ZBTB20: variants seen among roughly 807,000 people sequenced by gnomAD.
The protein encoded by ZBTB20 is zinc finger and BTB domain containing 20.
Under a neutral mutation model 56.9 loss-of-function variants are expected in ZBTB20, and 9 were observed. That is an observed-to-expected ratio of 0.16 (90% CI 0.10 to 0.28). The LOEUF (loss-of-function observed/expected upper bound fraction) is 0.28, where lower values mean the gene tolerates loss of function less well. Among genes scored for constraint, ZBTB20 ranks in the 10% least tolerant of loss-of-function variants. The pLI is 1.00. For synonymous variants in ZBTB20, 417 were observed against 420.7 expected (o/e 0.99, Z 0.11); for missense variants, 655 against 1,003.0 (o/e 0.65, Z 4.69).
At chr3:114,553,711 T>C (rs148969323) in intron 6 of ZBTB20, among the ~76,000 whole-genome samples, 1 of 152,332 alleles carries the variant, frequency 6.6e-6, no homozygotes, top group Non-Finnish European at 1.5e-5. Context: ...TCTATACTTC[T>C]ATAATTCTGT....
chr3:114,520,883 A>G (rs981321799), intron 6 of ZBTB20, among the ~76,000 whole-genome samples: 17 of 152,232 alleles, frequency 1.1e-4, no homozygotes, highest in African/African-American at 3.4e-4. Flanking sequence ...TAGTATTACC[A>G]TTCACCCATC....
At chr3:114,672,596 C>A (rs2108179827) in intron 6 of ZBTB20, among the ~76,000 whole-genome samples, 1 of 152,280 alleles carries the variant, frequency 6.6e-6, no homozygotes, top group South Asian at 2.1e-4. Flanking sequence ...TAGACGCCAG[C>A]CTACCTTACT....
intron 6 of ZBTB20, among the ~76,000 whole-genome samples, chr3:114,670,283 G>A (rs934863071): frequency 2.0e-5 from 3 of 151,902 alleles, no homozygotes; most frequent in African/African-American, 4.8e-5. Context: ...TTTACACTTA[G>A]AACCCCAAAA....
chr3:114,748,288 T>C lies in ZBTB20; in HGVS notation c.-343+52813A>G, dbSNP rs181002790. Among the ~76,000 whole-genome samples, 176 of 91,222 alleles carry C rather than the reference T, an allele frequency of 1.9e-3. 1 individual carries two copies. The Admixed American group carries it at 0.021, about 11-fold the overall frequency. The allele number at this position is 91,222 out of a possible 152,430, so 59.8% of individuals were successfully genotyped here. ...GGGGTTTTTGTTGTAGCTTCTTTCT[T>C]TCTTTCTTTCTTTCTTTCTTTCTTT... On this transcript the variant is annotated intron_variant, in intron 5 of 11. Coordinates refer to ENST00000675478, the MANE Select transcript of ZBTB20 (RefSeq NM_001348800.3).
At chr3:115,073,998 C>T (rs2082507790) in intron 1 of ZBTB20, among the ~76,000 whole-genome samples, 1 of 152,036 alleles carries the variant, frequency 6.6e-6, no homozygotes, top group African/African-American at 2.4e-5. Flanking sequence ...AGTCATTTTT[C>T]TCACCTTTCC....
intron 2 of ZBTB20, among the ~76,000 whole-genome samples, chr3:115,009,248 C>G (rs956486457): frequency 2.6e-5 from 4 of 151,630 alleles, no homozygotes; most frequent in African/African-American, 9.7e-5. Flanking sequence ...CTATATAGCC[C>G]TTAATCTATA....
chr3:114,589,207 C>G (rs963303575), intron 6 of ZBTB20, among the ~76,000 whole-genome samples: 1 of 152,156 alleles, frequency 6.6e-6, no homozygotes, highest in Admixed American at 6.5e-5. Context: ...GCGTCTAGTT[C>G]TTTCTCACCC....
chr3:114,403,680 A>G (rs1427140401), intron 7 of ZBTB20, among the ~76,000 whole-genome samples: 2 of 152,108 alleles, frequency 1.3e-5, no homozygotes, highest in Non-Finnish European at 2.9e-5. Context: ...AGAATCAGCT[A>G]TAGAATCTGG....
intron 7 of ZBTB20, among the ~76,000 whole-genome samples, chr3:114,472,654 G>A (rs2040270622): frequency 6.6e-6 from 1 of 151,936 alleles, no homozygotes; most frequent in African/African-American, 2.4e-5. Flanking sequence ...GTTGCAGTGA[G>A]CCGAGATTGT....
chr3:115,045,644 A>T (rs898771219), intron 2 of ZBTB20, among the ~76,000 whole-genome samples: 1 of 152,172 alleles, frequency 6.6e-6, no homozygotes, highest in African/African-American at 2.4e-5. Context: ...CAGCACTAAC[A>T]TGGAAGACTT....
chr3:114,568,217 C>T (rs1261176558), intron 6 of ZBTB20, among the ~76,000 whole-genome samples: 1 of 152,152 alleles, frequency 6.6e-6, no homozygotes, highest in South Asian at 2.1e-4. Flanking sequence ...TAGTAAAATT[C>T]CCCTCTACTG....
chr3:114,912,757 C>T (rs1217234757), intron 3 of ZBTB20, among the ~76,000 whole-genome samples: 1 of 151,950 alleles, frequency 6.6e-6, no homozygotes, highest in Non-Finnish European at 1.5e-5. Context: ...CCGGCTCCTA[C>T]TCCCCAGTTA....
intron 5 of ZBTB20, among the ~76,000 whole-genome samples, chr3:114,710,554 G>T (rs1211568925): frequency 6.6e-6 from 1 of 152,024 alleles, no homozygotes; most frequent in East Asian, 1.9e-4. Flanking sequence ...CCAGTGGCTG[G>T]GGTGAAATGC....
rs1255626994 is a variant in ZBTB20 at position 114,326,609 on chromosome 3, C to A, written c.*12396G>T. 1 of 150,646 alleles carries A rather than the reference C, an allele frequency of 6.6e-6. No individual in the cohort carries two copies. The highest frequency in any genetic ancestry group is 1.5e-5 in the Non-Finnish European group (1 of 67,676). The allele number at this position is 150,646 out of a possible 1,614,324, so 9.3% of individuals were successfully genotyped here. A position where few individuals can be genotyped will look rare whatever the true frequency, so the allele number is the denominator to read the frequency against. ...TTAAGAAATAAAAATCCTTTACTAT[C>A]TTGAGAAGAAAGAAAGGGAAACAAA... On this transcript the variant is annotated 3_prime_UTR_variant, in exon 12 of 12. Coordinates refer to ENST00000675478, the MANE Select transcript of ZBTB20 (RefSeq NM_001348800.3).
intron 1 of ZBTB20, among the ~76,000 whole-genome samples, chr3:115,078,815 C>A (rs534331383): frequency 6.6e-6 from 1 of 151,886 alleles, no homozygotes; most frequent in Admixed American, 6.6e-5. Flanking sequence ...CTCACCTGGT[C>A]CTCACAACAA....
chr3:114,422,088 T>C lies in ZBTB20; in HGVS notation c.-254-32983A>G, dbSNP rs140829372. On this transcript the variant is annotated intron_variant, in intron 7 of 11. Transcript: ENST00000675478. ...CACAAGTAGATGAAGTTTAGAAGAATTCTTTCACTATTTAAATCAGCTCTT... is the reference window on the plus strand; with the variant it reads ...CACAAGTAGATGAAGTTTAGAAGAACTCTTTCACTATTTAAATCAGCTCTT... Among the ~76,000 whole-genome samples, 190 of 152,318 alleles carry C rather than the reference T, an allele frequency of 1.2e-3. 1 individual carries two copies. The highest frequency in any genetic ancestry group is 4.4e-3 in the African/African-American group (185 of 41,576).
chr3:114,891,030 C>T (rs1164043952), intron 4 of ZBTB20, among the ~76,000 whole-genome samples: 2 of 152,100 alleles, frequency 1.3e-5, no homozygotes, highest in African/African-American at 4.8e-5. Context: ...CAGCAGTTCA[C>T]AGAGATCTCT....
intron 6 of ZBTB20, among the ~76,000 whole-genome samples, chr3:114,574,953 A>G (rs1325450175): frequency 6.6e-6 from 1 of 152,136 alleles, no homozygotes; most frequent in Non-Finnish European, 1.5e-5. Context: ...GGGTATTTCT[A>G]TATAAAGACA....
chr3:114,621,131 A>G (rs1352576967), intron 6 of ZBTB20, among the ~76,000 whole-genome samples: 1 of 152,216 alleles, frequency 6.6e-6, no homozygotes, highest in African/African-American at 2.4e-5. Flanking sequence ...AAACTTTTAT[A>G]TATATAGCAA....
Sources: gnomAD v4.1 joint callset for allele counts (sites outside exome capture counted in the v4.1 genomes callset) on GRCh38, gnomAD v4.1.1 for gene constraint, MANE v1.5 for transcripts, NCBI Gene and HGNC (gene_info 2026-07-23, HGNC 2026-07-21) for gene names.